Variants in UGT1A8 observed in about 807,000 individuals in gnomAD.
The protein encoded by UGT1A8 is UDP-glucuronosyltransferase 1A8.
In UGT1A8, 39 loss-of-function variants were observed where a neutral mutation model predicts 45.3. That is an observed-to-expected ratio of 0.86 (90% CI 0.67 to 1.12). The LOEUF is 1.12. Ranked by LOEUF, UGT1A8 falls within the 50% of genes most tolerant of loss-of-function variation. The pLI is 0.00. For synonymous variants in UGT1A8, 275 were observed against 249.2 expected, an observed-to-expected ratio of 1.10 and a Z score of -0.97; for missense variants, 719 against 664.9, an observed-to-expected ratio of 1.08 and a Z score of -0.90.
intron 1 of UGT1A8, among the ~76,000 whole-genome samples, chr2:233,733,416 G>A (rs570726599): frequency 2.1e-4 from 32 of 152,222 alleles, no homozygotes; most frequent in African/African-American, 7.5e-4. Context: ...TCCAGTTTTC[G>A]CCTACTCAGT....
chr2:233,735,768 A>T (rs1170033276), intron 1 of UGT1A8, among the ~76,000 whole-genome samples: 1 of 152,144 alleles, frequency 6.6e-6, no homozygotes, highest in Non-Finnish European at 1.5e-5. Flanking sequence ...TTCACTTATG[A>T]AGCTTACTTT....
chr2:233,749,337 T>C (rs10179091), intron 1 of UGT1A8, among the ~76,000 whole-genome samples: 73,841 of 151,468 alleles, frequency 0.49, 18,755 homozygotes, highest in South Asian at 0.6. Context: ...TGTTGAAAAG[T>C]GGGATGGAAT....
intron 1 of UGT1A8, among the ~76,000 whole-genome samples, chr2:233,762,802 C>G (rs762572552): frequency 4.6e-5 from 7 of 151,304 alleles, no homozygotes; most frequent in Non-Finnish European, 1.0e-4. Context: ...ACTCAGCTAT[C>G]TCATCAAAAT....
Position 233,682,922 on chromosome 2 carries a change from T to C in UGT1A8, c.855+64360T>C, listed in dbSNP as rs2074607007. Reference sequence around the variant, plus strand: ...TTCTTTCTGGTTTAAGGAATTCTTTTGTACCAATTCACTTAATTGTTGGGT... The same window carrying C: ...TTCTTTCTGGTTTAAGGAATTCTTTCGTACCAATTCACTTAATTGTTGGGT... On this transcript the variant is annotated intron_variant, in intron 1 of 4. Transcript: ENST00000373450. 2.0e-6 allele frequency: 3 copies of C among 1,477,034 alleles called. No homozygotes were observed. The African/African-American group carries it at 4.2e-5, about 21-fold the overall frequency. 91.5% of individuals were successfully genotyped at this position (1,477,034 alleles called of 1,614,324 possible).
intron 1 of UGT1A8, among the ~76,000 whole-genome samples, chr2:233,631,796 T>G (rs2073191530): frequency 6.6e-6 from 1 of 152,228 alleles, no homozygotes; most frequent in Non-Finnish European, 1.5e-5. Flanking sequence ...CTGTTCAGTC[T>G]GATGATAGTT....
At chr2:233,713,362 T>C (rs2076312243) in intron 1 of UGT1A8, 10 of 1,614,230 alleles carry the variant, frequency 6.2e-6, no homozygotes, top group Non-Finnish European at 8.5e-6. Context: ...TCTTTGATCA[T>C]ACATAGGTCT....
chr2:233,714,538 C>T (rs945612338), intron 1 of UGT1A8, among the ~76,000 whole-genome samples: 18 of 152,120 alleles, frequency 1.2e-4, no homozygotes, highest in Non-Finnish European at 2.2e-4. Flanking sequence ...GGTCTAATAC[C>T]GAAGTGTCCA....
chr2:233,619,011 A>G (rs2072952035), intron 1 of UGT1A8, among the ~76,000 whole-genome samples: 1 of 152,186 alleles, frequency 6.6e-6, no homozygotes, highest in Admixed American at 6.5e-5. Context: ...TTAGAAAAGT[A>G]CCAAAAACCA....
intron 1 of UGT1A8, chr2:233,690,535 C>T (rs145397540): frequency 7.8e-7 from 1 of 1,289,774 alleles, no homozygotes; most frequent in African/African-American, 1.5e-5. Flanking sequence ...ACTTCTTTCA[C>T]CCCACTGGAA....
At chr2:233,693,088 G>A in intron 1 of UGT1A8, 9 of 1,614,204 alleles carry the variant, frequency 5.6e-6, no homozygotes, top group Non-Finnish European at 7.6e-6. Context: ...TAGGTGACAA[G>A]CTGCTGGTGG....
At chr2:233,624,979 G>C (rs915133953) in intron 1 of UGT1A8, among the ~76,000 whole-genome samples, 4 of 152,120 alleles carry the variant, frequency 2.6e-5, no homozygotes, top group African/African-American at 9.6e-5. Flanking sequence ...GAATGAAGGG[G>C]ACCAACCCGT....
At chr2:233,758,458 C>T (rs1696885230) in intron 1 of UGT1A8, among the ~76,000 whole-genome samples, 1 of 152,224 alleles carries the variant, frequency 6.6e-6, no homozygotes, top group Non-Finnish European at 1.5e-5. Context: ...GAAGAATTAT[C>T]ACCCTTAAGG....
chr2:233,755,235 C>G (rs1346915931), intron 1 of UGT1A8: 5 of 904,804 alleles, frequency 5.5e-6, no homozygotes, highest in Non-Finnish European at 8.2e-6. Flanking sequence ...CGAGGCCTAC[C>G]GGGGTACTCC....
chr2:233,632,430 C>T (rs1230469771), intron 1 of UGT1A8, among the ~76,000 whole-genome samples: 17 of 152,182 alleles, frequency 1.1e-4, no homozygotes, highest in African/African-American at 1.7e-4. Context: ...TTCAGCAGTA[C>T]GGCCATTTTC....
At chr2:233,619,333 A>C (rs912598277) in intron 1 of UGT1A8, among the ~76,000 whole-genome samples, 8 of 152,152 alleles carry the variant, frequency 5.3e-5, no homozygotes, top group African/African-American at 1.9e-4. Flanking sequence ...TTTTAAACCA[A>C]TTAATATTGA....
intron 1 of UGT1A8, chr2:233,747,298 G>T: frequency 6.2e-7 from 1 of 1,602,264 alleles, no homozygotes; most frequent in Non-Finnish European, 8.5e-7. Flanking sequence ...GGCTGAGAGT[G>T]GGAAGGTGCT....
chr2:233,655,614 G>A (rs1026911387), intron 1 of UGT1A8, among the ~76,000 whole-genome samples: 34 of 152,140 alleles, frequency 2.2e-4, no homozygotes, highest in Admixed American at 4.6e-4. Context: ...AGTGTGTTTC[G>A]CCAAAAGAGT....
chr2:233,714,291 C>T (rs1156698569), intron 1 of UGT1A8, among the ~76,000 whole-genome samples: 1 of 152,082 alleles, frequency 6.6e-6, no homozygotes, highest in African/African-American at 2.4e-5. Flanking sequence ...TTTAGTGGTC[C>T]CATCTTGCAA....
chr2:233,691,032 C>A (rs2075025679), intron 1 of UGT1A8: 1 of 990,630 alleles, frequency 1.0e-6, no homozygotes, highest in Non-Finnish European at 1.2e-6. Flanking sequence ...AGGGCTCAGA[C>A]CAACGTCCAC....
Sources: allele counts gnomAD v4.1 joint callset (sites outside exome capture counted in the v4.1 genomes callset), GRCh38; gene constraint gnomAD v4.1.1; transcripts MANE v1.5; gene names NCBI Gene and HGNC (gene_info 2026-07-23, HGNC 2026-07-21).